AGT: variants seen among roughly 807,000 people sequenced by gnomAD.
The protein encoded by AGT is alpha-1 antiproteinase, antitrypsin.
A neutral mutation model predicts 28.1 loss-of-function variants in AGT; 26 were observed. The observed-to-expected ratio is 0.92, with a 90% CI of 0.68 to 1.28. AGT has a LOEUF of 1.28. Among genes scored for constraint, AGT ranks in the 50% most tolerant of loss-of-function variants. AGT has a pLI of 0.00. For synonymous variants in AGT, 259 were observed against 259.6 expected (o/e 1.00, Z 0.02); for missense variants, 596 against 592.3 (o/e 1.01, Z -0.06).
chr1:230,744,587 T>C (rs1255555932), intron 1 of AGT, among the ~76,000 whole-genome samples: 1 of 152,146 alleles, frequency 6.6e-6, no homozygotes, highest in East Asian at 1.9e-4. Context: ...TGTTAAACCT[T>C]TTTGGTGTGT....
At position 230,734,815 on chromosome 1, in the gene AGT, C is replaced by T. The variant is rs950285148; in HGVS notation, c.-31+10700G>A. 5.3e-5 allele frequency among the ~76,000 whole-genome samples: 8 copies of T among 152,080 alleles called. No individual in the cohort carries two copies. In the South Asian group the frequency reaches 8.3e-4, roughly 16 times the overall value. On this transcript the variant is annotated intron_variant, in intron 1 of 4. Transcript: ENST00000681269. ...AGCTCCACCTCCCGGGTTCATGCCA[C>T]TCTCCTGCCTCAGCCTCCCAAGTAG...
chr1:230,726,241 A>T (rs10746518), intron 1 of AGT, among the ~76,000 whole-genome samples: 24,705 of 152,142 alleles, frequency 0.16, 2,646 homozygotes, highest in East Asian at 0.49. Context: ...GTTCCATCTT[A>T]TTCTCCCTAA....
chr1:230,705,999 A>G lies in AGT; in HGVS notation c.1031T>C (p.Leu344Pro). Residue 344 changes from leucine to proline, a missense_variant, in exon 3 of 5, where the codon CTG becomes CCG. Leu to Pro is a moderately conservative substitution (Grantham distance 98). Coordinates refer to ENST00000366667, the MANE Select transcript of AGT (RefSeq NM_001384479.1). ...LLIQPHYASDLDKVEGLTFQQ... is the reference protein window; with the variant it reads ...LLIQPHYASDPDKVEGLTFQQ... The stretch of plus-strand genomic sequence containing the variant: ...GAAAGTGAGACCCTCCACCTTGTCC[A>G]GGTCAGAGGCATAGTGAGGCTGGAT... 1.9e-6 allele frequency: 3 copies of G among 1,614,162 alleles called. No homozygotes were observed. The highest frequency in any genetic ancestry group is 2.5e-6 in the Non-Finnish European group (3 of 1,180,022).
chr1:230,739,589 G>A (rs115160398), intron 1 of AGT, among the ~76,000 whole-genome samples: 283 of 152,224 alleles, frequency 1.9e-3, no homozygotes, highest in African/African-American at 6.4e-3. Flanking sequence ...GAGCCAGGCT[G>A]AGCTTCCGGG....
At position 230,734,809 on chromosome 1, in the gene AGT, A is replaced by G. The variant is rs367677531; in HGVS notation, c.-31+10706T>C. Among the ~76,000 whole-genome samples the G allele has an allele frequency of 1.6e-3, 246 of 152,046 alleles. 3 individuals are homozygous for G. The highest frequency in any genetic ancestry group is 5.7e-3 in the African/African-American group (237 of 41,474). On this transcript the variant is annotated intron_variant, in intron 1 of 4. Coordinates refer to the AGT transcript ENST00000681269. ...ACTGCAAGCTCCACCTCCCGGGTTC[A>G]TGCCACTCTCCTGCCTCAGCCTCCC...
chr1:230,735,297 G>A (rs776252433), intron 1 of AGT, among the ~76,000 whole-genome samples: 2 of 152,022 alleles, frequency 1.3e-5, no homozygotes, highest in African/African-American at 2.4e-5. Context: ...CTTCCTTCTC[G>A]CTCCTTCTTA....
At chr1:230,714,225 C>A (rs1571979403), upstream of AGT, 1 of 152,416 alleles carries the variant, frequency 6.6e-6, no homozygotes, top group Non-Finnish European at 1.5e-5. Context: ...CATCACTTGG[C>A]CAGACCACAG....
chr1:230,713,569 T>C (rs1305895782), intron 1 of AGT, among the ~76,000 whole-genome samples: 2 of 152,218 alleles, frequency 1.3e-5, no homozygotes. Flanking sequence ...CAGGCATCGT[T>C]ATTAGTTCCA....
rs140762648 is a variant in AGT at position 230,742,320 on chromosome 1, T to C, written c.-31+3195A>G. Among the ~76,000 whole-genome samples, 276 of 152,316 alleles carry C rather than the reference T, an allele frequency of 1.8e-3. 3 individuals carry two copies. Among genetic ancestry groups the C allele is most frequent in the African/African-American group, 6.5e-3 (270 of 41,568 alleles). On this transcript the variant is annotated intron_variant, in intron 1 of 4. Transcript: ENST00000681269. ...CATTCTGCACTTTGAATTTTCTTTT[T>C]TCTTTTTCTTTTTGAGACAGAGTCT...
At chr1:230,737,864 T>G (rs536648092) in intron 1 of AGT, among the ~76,000 whole-genome samples, 54 of 152,244 alleles carry the variant, frequency 3.5e-4, no homozygotes, top group African/African-American at 9.9e-4. Context: ...AAAGAAAGCC[T>G]TTAGCCATCA....
At chr1:230,736,599 T>C (rs1047051975) in intron 1 of AGT, among the ~76,000 whole-genome samples, 2 of 152,224 alleles carry the variant, frequency 1.3e-5, no homozygotes, top group African/African-American at 2.4e-5. Context: ...TTCTCAGATA[T>C]AAATGGGAAC....
intron 2 of AGT, among the ~76,000 whole-genome samples, chr1:230,707,270 C>T (rs1663414126): frequency 6.6e-6 from 1 of 152,350 alleles, no homozygotes; most frequent in East Asian, 1.9e-4. Flanking sequence ...CATCCCTGCC[C>T]TCGGCTGTCC....
chr1:230,725,175 G>T (rs1339782304), intron 1 of AGT, among the ~76,000 whole-genome samples: 1 of 152,152 alleles, frequency 6.6e-6, no homozygotes, highest in African/African-American at 2.4e-5. Context: ...TTGGTTTAAT[G>T]GATTTTATTC....
chr1:230,739,399 G>A (rs932844838), intron 1 of AGT, among the ~76,000 whole-genome samples: 1 of 151,906 alleles, frequency 6.6e-6, no homozygotes, highest in African/African-American at 2.4e-5. Flanking sequence ...GGGGTGGCTG[G>A]GAATTAAGAG....
rs116727996 is a variant in AGT, at chr1:230,743,498, C to T, written c.-31+2017G>A. ...TCACTCTGGTTACATCTGGAGTTAG[C>T]CTCAGCCCCTCTCACCTGGACACCT... On this transcript the variant is annotated intron_variant, in intron 1 of 4. Coordinates refer to the AGT transcript ENST00000681269. 3.9e-3 allele frequency among the ~76,000 whole-genome samples: 588 copies of T among 152,294 alleles called. 4 individuals carry two copies. The highest frequency in any genetic ancestry group is 0.013 in the African/African-American group (542 of 41,560).
intron 1 of AGT, among the ~76,000 whole-genome samples, chr1:230,721,931 A>C (rs189690738): frequency 2.6e-4 from 39 of 152,394 alleles, no homozygotes; most frequent in Non-Finnish European, 4.0e-4. Flanking sequence ...ACAAATTTGC[A>C]TAAGTAATGA....
chr1:230,726,494 C>CAA (rs368989775), intron 1 of AGT, among the ~76,000 whole-genome samples: 3 of 145,078 alleles, frequency 2.1e-5, no homozygotes, highest in Non-Finnish European at 4.6e-5. Context: ...CTAAAAGAAC[C>CAA]AAAAAAAAAA....
At chr1:230,703,350 G>A (rs1663286253) in intron 4 of AGT, 21 bp from the exon 5 acceptor site, 1 of 1,613,924 alleles carries the variant, frequency 6.2e-7, no homozygotes, top group Admixed American at 1.7e-5. Flanking sequence ...GCAGACATCA[G>A]GATCATTCTG....
chr1:230,723,715 T>C (rs1663887278), intron 1 of AGT, among the ~76,000 whole-genome samples: 1 of 152,224 alleles, frequency 6.6e-6, no homozygotes. Flanking sequence ...GTGATTGTTC[T>C]GCTTCTATTT....
Sources: gnomAD v4.1 joint callset for allele counts (sites outside exome capture counted in the v4.1 genomes callset) on GRCh38, gnomAD v4.1.1 for gene constraint, MANE v1.5 for transcripts, NCBI Gene and HGNC (gene_info 2026-07-23, HGNC 2026-07-21) for gene names.